The following CDH2 variants were observed in gnomAD, a reference collection of about 807,000 sequenced individuals.
CDH2 encodes the protein cadherin-2.
In CDH2, 17 loss-of-function variants were observed where a neutral mutation model predicts 92.0. That is an observed-to-expected ratio of 0.18 (90% CI 0.13 to 0.28). The LOEUF (loss-of-function observed/expected upper bound fraction) is 0.28. Among genes scored for constraint, CDH2 ranks in the 10% least tolerant of loss-of-function variants. CDH2 has a pLI of 1.00. For synonymous variants in CDH2, 419 were observed against 415.9 expected, an observed-to-expected ratio of 1.01 and a Z score of -0.09; for missense variants, 862 against 1,133.1, an observed-to-expected ratio of 0.76 and a Z score of 3.44.
intron 2 of CDH2, among the ~76,000 whole-genome samples, chr18:28,093,202 T>C (rs764220521): frequency 6.6e-6 from 1 of 152,162 alleles, no homozygotes; most frequent in Non-Finnish European, 1.5e-5. Flanking sequence ...TATATAGCTA[T>C]ACAGATAGAT....
chr18:27,952,539 ATTAAC>A (rs956349712), intron 15 of CDH2, among the ~76,000 whole-genome samples, 180 bp from the exon 16 acceptor site: 2 of 152,188 alleles, frequency 1.3e-5, no homozygotes, highest in African/African-American at 4.8e-5. Context: ...TTGGACAAAA[ATTAAC>A]TTATATCTTT....
At chr18:28,066,937 A>C (rs1373097760) in intron 2 of CDH2, among the ~76,000 whole-genome samples, 1 of 152,158 alleles carries the variant, frequency 6.6e-6, no homozygotes, top group East Asian at 1.9e-4. Context: ...GAACATATAG[A>C]AATTTAGTTT....
Position 27,952,058 on chromosome 18 carries a change from T to C in CDH2, c.*95A>G, listed in dbSNP as rs1360650776. The C allele has an allele frequency of 8.2e-6, 9 of 1,101,572 alleles. No homozygotes were observed. Among genetic ancestry groups the C allele is most frequent in the African/African-American group, 1.5e-5 (1 of 65,298 alleles). 68.2% of individuals were successfully genotyped at this position (1,101,572 alleles called of 1,614,324 possible). A position where few individuals can be genotyped will look rare whatever the true frequency, so the allele number is the denominator to read the frequency against. On this transcript the variant is annotated 3_prime_UTR_variant, in exon 16 of 16. Coordinates refer to ENST00000269141, the MANE Select transcript of CDH2 (RefSeq NM_001792.5). The stretch of plus-strand genomic sequence containing the variant: ...AAGCCTCCAGCAAGCACTGTGCTAG[T>C]AGACTACAAAGTTAAAGCCTAGCTT...
chr18:28,034,291 G>A (rs17445973), intron 2 of CDH2, among the ~76,000 whole-genome samples: 6,560 of 152,074 alleles, frequency 0.043, 165 homozygotes, highest in South Asian at 0.07. Flanking sequence ...ACAAGTACCC[G>A]AGTGAATATC....
At chr18:28,085,580 T>A (rs968427449) in intron 2 of CDH2, among the ~76,000 whole-genome samples, 5 of 152,170 alleles carry the variant, frequency 3.3e-5, no homozygotes, top group Admixed American at 6.5e-5. Context: ...GACTGCTACA[T>A]CTGCACCTTC....
intron 2 of CDH2, among the ~76,000 whole-genome samples, chr18:28,024,554 C>A (rs897202314): frequency 2.0e-5 from 3 of 150,882 alleles, no homozygotes; most frequent in Non-Finnish European, 4.4e-5. Flanking sequence ...AAACATACAG[C>A]AATCTAAATT....
intron 2 of CDH2, among the ~76,000 whole-genome samples, chr18:28,087,391 T>C (rs1177989828): frequency 2.0e-5 from 3 of 152,132 alleles, no homozygotes; most frequent in South Asian, 2.1e-4. Context: ...CAGGTTAAAA[T>C]ACTTGAAGCA....
At chr18:28,161,153 T>C (rs2016300813) in intron 1 of CDH2, among the ~76,000 whole-genome samples, 1 of 152,218 alleles carries the variant, frequency 6.6e-6, no homozygotes, top group African/African-American at 2.4e-5. Flanking sequence ...ACAAGCTCTC[T>C]ACTGTGTTCT....
At chr18:28,015,429 C>T (rs1018891442) in intron 2 of CDH2, among the ~76,000 whole-genome samples, 4 of 152,068 alleles carry the variant, frequency 2.6e-5, no homozygotes, top group African/African-American at 9.7e-5. Flanking sequence ...ATCTTCCATG[C>T]CCCATGATTT....
intron 2 of CDH2, among the ~76,000 whole-genome samples, chr18:28,053,419 T>C (rs534162171): frequency 6.6e-6 from 1 of 152,292 alleles, no homozygotes; most frequent in African/African-American, 2.4e-5. Context: ...AGTGAGTAAT[T>C]TACCTGTCAC....
intron 7 of CDH2, among the ~76,000 whole-genome samples, chr18:28,001,864 G>A (rs1453605684): frequency 7.9e-5 from 12 of 152,144 alleles, no homozygotes; most frequent in Admixed American, 7.9e-4. Flanking sequence ...TGCTTCTATA[G>A]CAAATAAAGT....
Position 27,951,811 on chromosome 18 carries a change from C to A in CDH2, c.*342G>T. Reference sequence around the variant, plus strand: ...CATATCATGGTTTAACTTACTGCTCCCACCACAAAATATTTTGTCTTTTAC... The same window carrying A: ...CATATCATGGTTTAACTTACTGCTCACACCACAAAATATTTTGTCTTTTAC... On this transcript the variant is annotated 3_prime_UTR_variant, in exon 16 of 16. Coordinates refer to ENST00000269141, the MANE Select transcript of CDH2 (RefSeq NM_001792.5). 4.5e-6 allele frequency: 1 copy of A among 219,822 alleles called. No homozygotes were observed. The highest frequency in any genetic ancestry group is 9.2e-6 in the Non-Finnish European group (1 of 108,534). 13.6% of individuals were successfully genotyped at this position (219,822 alleles called of 1,614,324 possible).
At position 28,043,463 on chromosome 18, in the gene CDH2, T is replaced by TAA. The variant is rs1320261586; in HGVS notation, c.173-29555_173-29554insTT. Among the ~76,000 whole-genome samples, 109 of 30,216 alleles carry TAA rather than the reference T, an allele frequency of 3.6e-3. 1 individual carries two copies. The highest frequency in any genetic ancestry group is 0.013 in the South Asian group (8 of 630). The allele number at this position is 30,216 out of a possible 152,430, so 19.8% of individuals were successfully genotyped here. The stretch of plus-strand genomic sequence containing the variant: ...CCTAAAAATTACTGATATAAATAAA[T>TAA]ATATATATATATATATATATATATA... On this transcript the variant is annotated intron_variant, in intron 2 of 15. Coordinates refer to ENST00000269141, the MANE Select transcript of CDH2 (RefSeq NM_001792.5).
At chr18:28,018,837 G>A (rs2144050918) in intron 2 of CDH2, among the ~76,000 whole-genome samples, 1 of 150,844 alleles carries the variant, frequency 6.6e-6, no homozygotes, top group Admixed American at 6.6e-5. Flanking sequence ...CAGAGGAAAA[G>A]AAGTCATTAT....
intron 2 of CDH2, among the ~76,000 whole-genome samples, chr18:28,107,762 G>A (rs1201476849): frequency 6.6e-6 from 1 of 151,900 alleles, no homozygotes; most frequent in Non-Finnish European, 1.5e-5. Context: ...AAAGTGGAAG[G>A]TTTTATGCAT....
intron 2 of CDH2, among the ~76,000 whole-genome samples, chr18:28,134,217 C>G (rs537873461): frequency 6.7e-6 from 1 of 150,258 alleles, no homozygotes; most frequent in South Asian, 2.1e-4. Context: ...TTTCAGTGAG[C>G]CAAGACTGTG....
chr18:27,950,879 T>C (rs1471770869), downstream of CDH2: 2 of 152,402 alleles, frequency 1.3e-5, no homozygotes, highest in Non-Finnish European at 2.9e-5. Flanking sequence ...AACAAATACA[T>C]ACTTTTTGTA....
At chr18:27,968,844 A>G (rs978112884) in intron 14 of CDH2, among the ~76,000 whole-genome samples, 2 of 152,232 alleles carry the variant, frequency 1.3e-5, no homozygotes, top group South Asian at 2.1e-4. Context: ...AGGAAAAAAA[A>G]TATCTGGAAA....
At chr18:27,934,155 CA>C (rs1455676008) in intron 6 of CDH2, among the ~76,000 whole-genome samples, 1 of 152,164 alleles carries the variant, frequency 6.6e-6, no homozygotes, top group Admixed American at 6.5e-5. Context: ...TTACTTATAT[CA>C]GTTGTGCTGA....
Sources: allele counts gnomAD v4.1 joint callset (sites outside exome capture counted in the v4.1 genomes callset), GRCh38; gene constraint gnomAD v4.1.1; transcripts MANE v1.5; gene names NCBI Gene and HGNC (gene_info 2026-07-23, HGNC 2026-07-21).